The following PDE10A variants were observed in gnomAD, a reference collection of about 807,000 sequenced individuals.
The protein encoded by PDE10A is cAMP and cAMP-inhibited cGMP 3',5'-cyclic phosphodiesterase 10A.
Under a neutral mutation model 97.7 loss-of-function variants are expected in PDE10A, and 39 were observed. The ratio of observed to expected loss-of-function variants is 0.40; its 90% confidence interval spans 0.31 to 0.52. The LOEUF is 0.52. Ranked by LOEUF, PDE10A falls within the 20% of genes least tolerant of loss-of-function variation. PDE10A has a pLI of 0.56. For synonymous variants in PDE10A, 371 were observed against 376.8 expected (o/e 0.98, Z 0.18); for missense variants, 731 against 1,047.8 (o/e 0.70, Z 4.17).
chr6:165,664,491 C>T (rs1790446123), upstream of PDE10A, among the ~76,000 whole-genome samples: 1 of 152,202 alleles, frequency 6.6e-6, no homozygotes, highest in African/African-American at 2.4e-5. Flanking sequence ...CTGAGTGTCG[C>T]GTGTAACGGG....
intron 1 of PDE10A, among the ~76,000 whole-genome samples, chr6:165,739,834 C>T (rs946959935): frequency 6.6e-6 from 1 of 152,106 alleles, no homozygotes; most frequent in Admixed American, 6.5e-5. Context: ...TCTCAGAAGA[C>T]ATACAGTGGC....
At chr6:165,354,391 A>G (rs1162283020) in intron 18 of PDE10A, among the ~76,000 whole-genome samples, 3 of 152,220 alleles carry the variant, frequency 2.0e-5, no homozygotes, top group Admixed American at 1.3e-4. Flanking sequence ...GGCCAATGAC[A>G]TCAGCTAAGA....
chr6:165,543,277 TTCTC>T, intron 2 of PDE10A, among the ~76,000 whole-genome samples, 159 bp downstream of exon 2: 1 of 152,340 alleles, frequency 6.6e-6, no homozygotes, highest in South Asian at 2.1e-4. Context: ...TATTTATTTC[TTCTC>T]TAACTTACTT....
At chr6:165,854,790 CGCAGGGCGCGCCAGGCAGG>C (rs1429161792) in intron 1 of PDE10A, among the ~76,000 whole-genome samples, 1 of 152,138 alleles carries the variant, frequency 6.6e-6, no homozygotes, top group Non-Finnish European at 1.5e-5. Context: ...ACTGGAGGAG[CGCAGGGCGCGCCAGGCAGG>C]GCAGGGCGGC....
intron 1 of PDE10A, among the ~76,000 whole-genome samples, chr6:165,983,697 T>C (rs945563101): frequency 1.3e-5 from 2 of 152,316 alleles, no homozygotes. Context: ...TGATGTTCCA[T>C]CCAGGTCAGC....
chr6:165,720,352 C>A (rs142770489), intron 1 of PDE10A, among the ~76,000 whole-genome samples: 1 of 152,066 alleles, frequency 6.6e-6, no homozygotes, highest in Non-Finnish European at 1.5e-5. Flanking sequence ...ATAAAAGCCC[C>A]GATGTACAAA....
At chr6:165,520,321 T>C (rs1782056722) in intron 2 of PDE10A, among the ~76,000 whole-genome samples, 1 of 152,226 alleles carries the variant, frequency 6.6e-6, no homozygotes, top group Admixed American at 6.6e-5. Context: ...AAATTTCATG[T>C]ACCACCTCTA....
At chr6:165,389,958 C>T (rs1785568406) in intron 16 of PDE10A, among the ~76,000 whole-genome samples, 1 of 152,170 alleles carries the variant, frequency 6.6e-6, no homozygotes, top group African/African-American at 2.4e-5. Flanking sequence ...TCTATTCTTT[C>T]ATGAAGGGAT....
chr6:165,704,506 C>G (rs1380466041), intron 1 of PDE10A, among the ~76,000 whole-genome samples: 2 of 152,138 alleles, frequency 1.3e-5, no homozygotes, highest in Non-Finnish European at 2.9e-5. Flanking sequence ...AGAGTTTACA[C>G]AAAGTTCACA....
chr6:165,594,817 G>C (rs1786489280), intron 1 of PDE10A, among the ~76,000 whole-genome samples: 1 of 152,192 alleles, frequency 6.6e-6, no homozygotes, highest in South Asian at 2.1e-4. Flanking sequence ...ACCAAAAATA[G>C]AAAGGACATG....
intron 1 of PDE10A, among the ~76,000 whole-genome samples, chr6:165,627,493 A>C (rs1788441049): frequency 6.6e-6 from 1 of 152,182 alleles, no homozygotes; most frequent in African/African-American, 2.4e-5. Flanking sequence ...CTATCACAGA[A>C]ATCACAGAAG....
chr6:165,783,593 C>T (rs151108358), intron 1 of PDE10A, among the ~76,000 whole-genome samples: 3 of 152,012 alleles, frequency 2.0e-5, no homozygotes, highest in South Asian at 2.1e-4. Flanking sequence ...GGAAACGAGT[C>T]ACATAGAATG....
intron 1 of PDE10A, among the ~76,000 whole-genome samples, chr6:165,888,047 C>T (rs902076371): frequency 2.0e-5 from 3 of 152,162 alleles, no homozygotes; most frequent in African/African-American, 7.2e-5. Context: ...GGGATGCTCG[C>T]TCCTTAAGGT....
chr6:165,718,213 T>C (rs976806033), intron 1 of PDE10A: 2 of 152,220 alleles, frequency 1.3e-5, no homozygotes, highest in Non-Finnish European at 2.9e-5. Flanking sequence ...AGTTGCATAG[T>C]GGTCCATTTC....
intron 1 of PDE10A, among the ~76,000 whole-genome samples, chr6:165,640,385 TCTTGGTCTGC>T (rs1789076206): frequency 6.6e-6 from 1 of 152,240 alleles, no homozygotes; most frequent in Non-Finnish European, 1.5e-5. Flanking sequence ...ACAAGTATAT[TCTTGGTCTGC>T]AAAGTTTAAA....
intron 1 of PDE10A, among the ~76,000 whole-genome samples, chr6:165,753,311 C>T (rs6922621): frequency 0.088 from 13,381 of 152,158 alleles, 1,395 homozygotes; most frequent in African/African-American, 0.25. Flanking sequence ...CCACGGCAGG[C>T]CAAGCACTCT....
chr6:165,969,716 T>C (rs972824141), intron 1 of PDE10A, among the ~76,000 whole-genome samples: 2 of 152,146 alleles, frequency 1.3e-5, no homozygotes, highest in Non-Finnish European at 1.5e-5. Flanking sequence ...GATAGAAATG[T>C]ATACATTGAA....
At chr6:165,354,912 C>T in intron 18 of PDE10A, among the ~76,000 whole-genome samples, 1 of 152,122 alleles carries the variant, frequency 6.6e-6, no homozygotes. Flanking sequence ...CAATTCCTTA[C>T]ATAATTAGCC....
intron 1 of PDE10A, among the ~76,000 whole-genome samples, chr6:165,619,880 T>C (rs1233621315): frequency 6.6e-6 from 1 of 152,052 alleles, no homozygotes; most frequent in Admixed American, 6.6e-5. Flanking sequence ...CTTGCTGCCA[T>C]TTATAATGGC....
Sources: gnomAD v4.1 joint callset for allele counts (sites outside exome capture counted in the v4.1 genomes callset) on GRCh38, gnomAD v4.1.1 for gene constraint, MANE v1.5 for transcripts, NCBI Gene and HGNC (gene_info 2026-07-23, HGNC 2026-07-21) for gene names.